Variants in AKAP7 observed in about 807,000 individuals in gnomAD.
AKAP7 encodes A-kinase anchoring protein 7.
AKAP7 carries 39 observed loss-of-function variants against 39.5 expected under a neutral mutation model. The observed-to-expected ratio is 0.99, with a 90% confidence interval of 0.76 to 1.29. The LOEUF (loss-of-function observed/expected upper bound fraction) is 1.29. Ranked by LOEUF, AKAP7 falls within the 50% of genes most tolerant of loss-of-function variation. AKAP7 has a pLI of 0.00. For missense variants in AKAP7, 414 were observed against 407.7 expected (o/e 1.02, Z -0.13); for synonymous variants, 140 against 139.1 (o/e 1.01, Z -0.05).
intron 7 of AKAP7, among the ~76,000 whole-genome samples, chr6:131,280,187 T>C (rs887652398): frequency 6.6e-6 from 1 of 152,226 alleles, no homozygotes; most frequent in African/African-American, 2.4e-5. Flanking sequence ...GCAGATGTTC[T>C]ATCTTGGACA....
chr6:131,136,827 C>G, intron 1 of AKAP7: 1 of 984,710 alleles, frequency 1.0e-6, no homozygotes, highest in African/African-American at 1.7e-5. Context: ...ACGCAGCTGT[C>G]AACATTTACT....
intron 5 of AKAP7, among the ~76,000 whole-genome samples, chr6:131,193,926 T>C (rs1391546407): frequency 6.6e-6 from 1 of 152,118 alleles, no homozygotes; most frequent in Non-Finnish European, 1.5e-5. Context: ...TTTATATATT[T>C]GGTTCTTCTA....
At chr6:131,280,684 T>C (rs2128340891) in intron 7 of AKAP7, among the ~76,000 whole-genome samples, 1 of 152,268 alleles carries the variant, frequency 6.6e-6, no homozygotes, top group East Asian at 1.9e-4. Flanking sequence ...CACTGAATGG[T>C]CACTCTCTTC....
intron 7 of AKAP7, among the ~76,000 whole-genome samples, chr6:131,262,244 C>G (rs541903624): frequency 6.6e-6 from 1 of 152,254 alleles, no homozygotes; most frequent in South Asian, 2.1e-4. Context: ...GATCCTGTTC[C>G]CTTTGCGCAG....
At position 131,215,965 on chromosome 6, in the gene AKAP7, G is replaced by A. The variant is rs537843200; in HGVS notation, c.703-3696G>A. Among the ~76,000 whole-genome samples the A allele has an allele frequency of 2.6e-5, 4 of 152,230 alleles. No homozygotes were observed. The South Asian group carries it at 6.2e-4, about 24-fold the overall frequency. On this transcript the variant is annotated intron_variant, in intron 6 of 7. Coordinates refer to ENST00000431975, the MANE Select transcript of AKAP7 (RefSeq NM_016377.4). ...CAGCAATAAACTATTGGAAAACATAGCAGAAATCAAATCCAGGAATGCCAA... is the reference window on the plus strand; with the variant it reads ...CAGCAATAAACTATTGGAAAACATAACAGAAATCAAATCCAGGAATGCCAA...
intron 7 of AKAP7, among the ~76,000 whole-genome samples, chr6:131,221,221 T>C (rs1186376167): frequency 1.3e-5 from 2 of 152,190 alleles, no homozygotes; most frequent in Admixed American, 6.6e-5. Context: ...GTGGTCTAGA[T>C]AGAAGATCAA....
chr6:131,278,927 A>G (rs1057387849), intron 7 of AKAP7, among the ~76,000 whole-genome samples: 3 of 152,132 alleles, frequency 2.0e-5, no homozygotes, highest in Admixed American at 6.5e-5. Flanking sequence ...GAAATTGGGA[A>G]TGGTGTGGAA....
intron 5 of AKAP7, among the ~76,000 whole-genome samples, chr6:131,172,063 G>A (rs150298271): frequency 2.0e-5 from 3 of 152,230 alleles, no homozygotes; most frequent in East Asian, 1.9e-4. Flanking sequence ...AACTTTGTTC[G>A]TTGACGTCAC....
At chr6:131,130,672 G>T (rs942829299), upstream of AKAP7, among the ~76,000 whole-genome samples, 2 of 152,202 alleles carry the variant, frequency 1.3e-5, no homozygotes, top group Non-Finnish European at 2.9e-5. Context: ...GAATTAGCAG[G>T]CAGCTGATGT....
chr6:131,255,589 A>T (rs1812777058), intron 7 of AKAP7, among the ~76,000 whole-genome samples: 1 of 152,176 alleles, frequency 6.6e-6, no homozygotes, highest in Non-Finnish European at 1.5e-5. Context: ...CCTGTTAAAA[A>T]CATATGGCCC....
intron 5 of AKAP7, among the ~76,000 whole-genome samples, chr6:131,184,114 G>T (rs1805572039): frequency 6.6e-6 from 1 of 152,234 alleles, no homozygotes; most frequent in Non-Finnish European, 1.5e-5. Flanking sequence ...CCTTGGGGCA[G>T]TGTGTTGCTC....
chr6:131,263,222 C>A (rs1318324645), intron 7 of AKAP7, among the ~76,000 whole-genome samples: 1 of 152,170 alleles, frequency 6.6e-6, no homozygotes, highest in African/African-American at 2.4e-5. Flanking sequence ...AGCCTTGAGA[C>A]CAACTTACAG....
intron 2 of AKAP7, among the ~76,000 whole-genome samples, chr6:131,150,152 C>CT (rs1454270696): frequency 1.3e-5 from 2 of 151,808 alleles, no homozygotes; most frequent in African/African-American, 4.8e-5. Flanking sequence ...TTTTGATTTT[C>CT]TTTTTTTTGT....
At chr6:131,147,615 A>C (rs1801583602) in intron 2 of AKAP7, among the ~76,000 whole-genome samples, 1 of 152,240 alleles carries the variant, frequency 6.6e-6, no homozygotes, top group Non-Finnish European at 1.5e-5. Flanking sequence ...TGAACAAATA[A>C]AATGAATATG....
chr6:131,202,947 G>A (rs1484894226), intron 6 of AKAP7, among the ~76,000 whole-genome samples: 1 of 152,050 alleles, frequency 6.6e-6, no homozygotes, highest in African/African-American at 2.4e-5. Context: ...CCGGCGTACT[G>A]GTTGAAGCTT....
In AKAP7 at chr6:131,245,861, C is replaced by T. The variant is rs182726341; in HGVS notation, c.850+26053C>T. ...TTCATCATTTAATGTCCTCTTTTCT[C>T]TCCTCTCTTTTGAATACAAGATATT... is the stretch of plus-strand genomic sequence containing the variant. On this transcript the variant is annotated intron_variant, in intron 7 of 7. Coordinates refer to ENST00000431975, the MANE Select transcript of AKAP7 (RefSeq NM_016377.4). Among the ~76,000 whole-genome samples the T allele has an allele frequency of 6.6e-5, 10 of 152,168 alleles. No homozygotes were observed. In the East Asian group the frequency reaches 1.9e-3, roughly 29 times the overall value.
At chr6:131,183,127 A>G (rs1338483909) in intron 5 of AKAP7, among the ~76,000 whole-genome samples, 1 of 152,226 alleles carries the variant, frequency 6.6e-6, no homozygotes, top group Non-Finnish European at 1.5e-5. Context: ...ACTGATGTTT[A>G]GAATACAGGA....
intron 7 of AKAP7, among the ~76,000 whole-genome samples, chr6:131,263,495 G>A (rs1403055711): frequency 6.6e-6 from 1 of 152,190 alleles, no homozygotes; most frequent in Non-Finnish European, 1.5e-5. Flanking sequence ...AACCTGTGAG[G>A]CAGTATACAC....
chr6:131,127,596 A>T, the AKAP7 span, among the ~76,000 whole-genome samples: 1 of 152,244 alleles, frequency 6.6e-6, no homozygotes, highest in Non-Finnish European at 1.5e-5. Context: ...AAATTTTCAA[A>T]TTCTGCACAT....
Sources: gnomAD v4.1 joint callset for allele counts (sites outside exome capture counted in the v4.1 genomes callset) on GRCh38, gnomAD v4.1.1 for gene constraint, MANE v1.5 for transcripts, NCBI Gene and HGNC (gene_info 2026-07-23, HGNC 2026-07-21) for gene names.